CHRM5: variants seen among roughly 807,000 people sequenced by gnomAD.
The protein encoded by CHRM5 is muscarinic acetylcholine receptor M5.
CHRM5 carries 18 observed loss-of-function variants against 39.0 expected under a neutral mutation model. That is an observed-to-expected ratio of 0.46 (90% CI 0.32 to 0.68). The LOEUF (loss-of-function observed/expected upper bound fraction) is 0.68, where lower values mean the gene tolerates loss of function less well. CHRM5 is among the 30% of genes least tolerant of loss of function. CHRM5 has a pLI of 0.04. For missense variants in CHRM5, 515 were observed against 651.1 expected, an observed-to-expected ratio of 0.79 and a Z score of 2.28; for synonymous variants, 241 against 246.3, an observed-to-expected ratio of 0.98 and a Z score of 0.20.
chr15:33,990,625 G>A (rs1896680476), intron 1 of CHRM5: 1 of 152,168 alleles, frequency 6.6e-6, no homozygotes, highest in Admixed American at 6.5e-5. Flanking sequence ...TGAAAGTACA[G>A]TCTCTGCTAG....
At position 34,063,954 on chromosome 15, in the gene CHRM5, C is replaced by T. The variant is rs200142699; in HGVS notation, c.1237C>T (p.Pro413Ser). ...MPCPFPVAKE[P>S]STKGLNPNPS... ...CTGCCCCTTCCCAGTGGCCAAGGAA[C>T]CTTCAACGAAAGGCCTCAATCCCAA... Residue 413 changes from proline to serine, a missense_variant, in exon 3 of 3, where the codon CCT becomes TCT. Transcript: ENST00000383263. The surrounding 1 kb of genome is among the most constrained non-coding windows in gnomAD (Gnocchi z 4.1). 3 of 1,614,126 alleles carry T rather than the reference C, an allele frequency of 1.9e-6. No homozygotes were observed. The highest frequency in any genetic ancestry group is 2.5e-6 in the Non-Finnish European group (3 of 1,180,022).
chr15:34,025,590 T>C (rs1037180985), intron 1 of CHRM5, among the ~76,000 whole-genome samples: 3 of 152,230 alleles, frequency 2.0e-5, no homozygotes, highest in Non-Finnish European at 4.4e-5. Context: ...ATTGTAGCAA[T>C]GTTAATGTCC....
At chr15:34,040,899 A>G (rs1426755729) in intron 1 of CHRM5, among the ~76,000 whole-genome samples, 1 of 19,420 alleles carries the variant, frequency 5.1e-5, no homozygotes. Flanking sequence ...GAGACTGTCT[A>G]AAAAAAAAAA....
At chr15:34,014,704 G>A (rs570918850) in intron 1 of CHRM5, among the ~76,000 whole-genome samples, 8 of 152,256 alleles carry the variant, frequency 5.3e-5, no homozygotes, top group African/African-American at 1.4e-4. Context: ...AAAGTTCAGC[G>A]GGCCCATCTG....
At chr15:34,037,030 A>T (rs1597377438) in intron 1 of CHRM5, among the ~76,000 whole-genome samples, 1 of 151,672 alleles carries the variant, frequency 6.6e-6, no homozygotes, top group Non-Finnish European at 1.5e-5. Flanking sequence ...AATCACTTGA[A>T]CCCGGGAGGC....
chr15:34,048,200 G>A (rs1529951), intron 2 of CHRM5, among the ~76,000 whole-genome samples: 20,341 of 152,290 alleles, frequency 0.13, 2,332 homozygotes, highest in East Asian at 0.34. Flanking sequence ...AGCAGGACCC[G>A]GATCCATTCC....
chr15:34,003,664 A>C (rs1156739210), intron 1 of CHRM5, among the ~76,000 whole-genome samples: 1 of 152,218 alleles, frequency 6.6e-6, no homozygotes, highest in Non-Finnish European at 1.5e-5. Context: ...ACATTATTTA[A>C]AACTATTTAA....
chr15:33,984,485 C>A (rs1163570733), intron 1 of CHRM5, among the ~76,000 whole-genome samples: 2 of 151,888 alleles, frequency 1.3e-5, no homozygotes, highest in African/African-American at 4.8e-5. Flanking sequence ...TCACTGCAAC[C>A]TCCACCTCCC....
At chr15:34,012,913 A>G (rs573927678) in intron 1 of CHRM5, among the ~76,000 whole-genome samples, 188 of 152,250 alleles carry the variant, frequency 1.2e-3, no homozygotes, top group African/African-American at 4.4e-3. Context: ...TTTCCTTTAT[A>G]AGCACAAATT....
intron 1 of CHRM5, among the ~76,000 whole-genome samples, chr15:33,975,698 G>A (rs1049835603): frequency 2.0e-5 from 3 of 152,146 alleles, no homozygotes; most frequent in African/African-American, 4.8e-5. Context: ...TTGGGAGGCC[G>A]AGGCAGGTGA....
chr15:34,002,962 A>T, intron 1 of CHRM5: 4 of 1,341,780 alleles, frequency 3.0e-6, no homozygotes, highest in Non-Finnish European at 4.1e-6. Context: ...AGTAGAATTT[A>T]AAAACATATA....
At chr15:33,985,987 C>T (rs2140546521) in intron 1 of CHRM5, among the ~76,000 whole-genome samples, 1 of 152,290 alleles carries the variant, frequency 6.6e-6, no homozygotes, top group East Asian at 1.9e-4. Context: ...ACATAGCATT[C>T]CCCCATGGAG....
At chr15:34,055,204 A>G (rs1408536708) in intron 2 of CHRM5, among the ~76,000 whole-genome samples, 6 of 150,484 alleles carry the variant, frequency 4.0e-5, no homozygotes, top group Non-Finnish European at 5.9e-5. Context: ...AAAAAAAAAA[A>G]GTAAATAAAC....
chr15:34,027,302 G>T (rs148672277), intron 1 of CHRM5, among the ~76,000 whole-genome samples: 1 of 152,062 alleles, frequency 6.6e-6, no homozygotes, highest in East Asian at 1.9e-4. Flanking sequence ...ATCACCTGAG[G>T]TCAGGAGTTC....
chr15:34,038,805 C>A (rs1899301266), intron 1 of CHRM5: 10 of 1,193,168 alleles, frequency 8.4e-6, no homozygotes, highest in Non-Finnish European at 1.0e-5. Context: ...TGCGCCCCAG[C>A]CTCCCGGCTC....
intron 2 of CHRM5, among the ~76,000 whole-genome samples, chr15:34,047,239 T>C (rs617708): frequency 0.96 from 146,322 of 151,912 alleles, 70,694 homozygotes; most frequent in East Asian, 1. Flanking sequence ...CACCATGCCC[T>C]GCTAACTTTT....
intron 1 of CHRM5, among the ~76,000 whole-genome samples, chr15:34,008,856 T>A (rs547764697): frequency 6.6e-6 from 1 of 151,790 alleles, no homozygotes; most frequent in Non-Finnish European, 1.5e-5. Context: ...GATTCATAGA[T>A]ACATAATAAA....
chr15:34,039,064 T>A lies in CHRM5; in HGVS notation c.-407-7476T>A, dbSNP rs567393546. The A allele has an allele frequency of 7.3e-6, 8 of 1,092,092 alleles. No homozygotes were observed. In the East Asian group the frequency reaches 4.7e-4, roughly 65 times the overall value. The allele number at this position is 1,092,092 out of a possible 1,614,324, so 67.7% of individuals were successfully genotyped here. On this transcript the variant is annotated intron_variant, in intron 1 of 2. Coordinates refer to ENST00000383263, the MANE Select transcript of CHRM5 (RefSeq NM_012125.4). Reference sequence around the variant, plus strand: ...GCCTGCATCTGGCCGCCGCTGGCGGTGCTGAGCGCGCGGGAGCCGAGCTGC... The same window carrying A: ...GCCTGCATCTGGCCGCCGCTGGCGGAGCTGAGCGCGCGGGAGCCGAGCTGC...
chr15:34,040,187 C>G (rs921471310), intron 1 of CHRM5, among the ~76,000 whole-genome samples: 36 of 152,132 alleles, frequency 2.4e-4, no homozygotes, highest in Non-Finnish European at 1.5e-5. Context: ...AAAACCTTGC[C>G]CCTGCCCTCA....
Sources: allele counts gnomAD v4.1 joint callset (sites outside exome capture counted in the v4.1 genomes callset), GRCh38; gene constraint gnomAD v4.1.1; non-coding constraint Gnocchi (gnomAD v3.1); transcripts MANE v1.5; gene names NCBI Gene and HGNC (gene_info 2026-07-23, HGNC 2026-07-21).